Variants in RALGPS1 observed in about 807,000 individuals in gnomAD.
RALGPS1 encodes ras-specific guanine nucleotide-releasing factor RalGPS1.
Under a neutral mutation model 78.8 loss-of-function variants are expected in RALGPS1, and 19 were observed. That is an observed-to-expected ratio of 0.24 (90% CI 0.17 to 0.35). The LOEUF is 0.35. RALGPS1 is among the 10% of genes least tolerant of loss of function. The probability of loss-of-function intolerance (pLI) is 1.00; values close to 1 mark genes in which losing one functional copy is unlikely to be tolerated. For missense variants in RALGPS1, 454 were observed against 688.3 expected (o/e 0.66, Z 3.81); for synonymous variants, 228 against 256.3 (o/e 0.89, Z 1.06).
chr9:127,195,257 G>A (rs375522046), intron 12 of RALGPS1, 40 bp downstream of exon 12: 331 of 1,599,560 alleles, frequency 2.1e-4, no homozygotes, highest in Non-Finnish European at 2.6e-4. Context: ...GCTTCAGACC[G>A]TCCTGCACAT....
chr9:127,033,566 G>T (rs985306314), intron 4 of RALGPS1, among the ~76,000 whole-genome samples: 2 of 152,176 alleles, frequency 1.3e-5, no homozygotes, highest in Non-Finnish European at 2.9e-5. Flanking sequence ...GAATTAAAAG[G>T]CAGTCTTGTA....
chr9:127,157,779 C>T (rs914949132), intron 8 of RALGPS1, among the ~76,000 whole-genome samples: 1 of 152,006 alleles, frequency 6.6e-6, no homozygotes, highest in Non-Finnish European at 1.5e-5. Flanking sequence ...AATCATATCA[C>T]CTGCAAAAAT....
chr9:127,003,762 T>C (rs1434817933), intron 4 of RALGPS1, among the ~76,000 whole-genome samples: 2 of 152,218 alleles, frequency 1.3e-5, no homozygotes, highest in Non-Finnish European at 2.9e-5. Context: ...GATGTGCAGG[T>C]TTGTTACATA....
intron 1 of RALGPS1, among the ~76,000 whole-genome samples, chr9:126,917,472 A>G (rs1249707218): frequency 6.6e-6 from 1 of 152,178 alleles, no homozygotes; most frequent in East Asian, 1.9e-4. Flanking sequence ...TTTCCTTTTC[A>G]GTATGGAGGG....
intron 4 of RALGPS1, among the ~76,000 whole-genome samples, chr9:126,988,571 C>T (rs181981555): frequency 5.6e-4 from 85 of 152,216 alleles, no homozygotes; most frequent in African/African-American, 2.0e-3. Flanking sequence ...CATACCCAGC[C>T]CTCTGAAGGA....
intron 7 of RALGPS1, among the ~76,000 whole-genome samples, chr9:127,062,612 G>C (rs2049322032): frequency 6.6e-6 from 1 of 152,180 alleles, no homozygotes; most frequent in Admixed American, 6.5e-5. Context: ...TTCCCATGGT[G>C]ATAATCAGTA....
At chr9:127,075,267 G>A (rs760358526) in intron 8 of RALGPS1, among the ~76,000 whole-genome samples, 1 of 152,210 alleles carries the variant, frequency 6.6e-6, no homozygotes, top group Non-Finnish European at 1.5e-5. Flanking sequence ...CTTTAAACCA[G>A]GTGGACTACA....
chr9:127,179,587 C>T (rs1349465705), intron 11 of RALGPS1, among the ~76,000 whole-genome samples: 2 of 152,230 alleles, frequency 1.3e-5, no homozygotes, highest in African/African-American at 2.4e-5. Flanking sequence ...AAGACATGTT[C>T]ATTCATTCAT....
intron 4 of RALGPS1, among the ~76,000 whole-genome samples, chr9:126,990,404 C>G (rs1001575594): frequency 5.9e-5 from 9 of 152,230 alleles, no homozygotes; most frequent in Non-Finnish European, 1.2e-4. Context: ...GACCATGTCC[C>G]TGCCCTGCTT....
intron 11 of RALGPS1, among the ~76,000 whole-genome samples, chr9:127,180,513 A>G (rs192177555): frequency 2.0e-5 from 3 of 152,238 alleles, no homozygotes; most frequent in Admixed American, 6.5e-5. Context: ...CTGTTTTCCT[A>G]TTGGAGAAAT....
rs1261400159 is a variant in RALGPS1 at position 126,965,899 on chromosome 9, G to A, written c.113G>A (p.Ser38Asn). Residue 38 changes from serine to asparagine, a missense_variant, in exon 3 of 19, where the codon AGC becomes AAC. By Grantham distance (46) the Ser-to-Asn change is conservative (BLOSUM62 1). Transcript: ENST00000259351. Reference protein sequence around the residue: ...EGQSCDYASKSYDAVVFDVLK... With the variant: ...EGQSCDYASKNYDAVVFDVLK... ...CAGAGCTGCGACTATGCCAGCAAGAGCTATGATGCCGTTGTCTTCGATGTC... is the reference window on the plus strand; with the variant it reads ...CAGAGCTGCGACTATGCCAGCAAGAACTATGATGCCGTTGTCTTCGATGTC... The A allele has an allele frequency of 1.9e-6, 3 of 1,614,174 alleles. No individual in the cohort carries two copies. The South Asian group carries it at 3.3e-5, about 18-fold the overall frequency.
At chr9:127,213,099 C>T (rs1007248396) in intron 17 of RALGPS1, 50 bp downstream of exon 17, 15 of 1,607,822 alleles carry the variant, frequency 9.3e-6, no homozygotes, top group Non-Finnish European at 1.2e-5. Flanking sequence ...TGCCCATTTC[C>T]TCTCTTGCAC....
rs1007980019 is a variant in RALGPS1 at position 127,188,078 on chromosome 9, T to C, written c.911-7013T>C. Reference sequence around the variant, plus strand: ...AGCCTTTTTTTTTTTTTTTTTTTTTTTTAGACGGAGTCTCACTCTGTTGCT... The same window carrying C: ...AGCCTTTTTTTTTTTTTTTTTTTTTCTTAGACGGAGTCTCACTCTGTTGCT... On this transcript the variant is annotated intron_variant, in intron 11 of 18. Coordinates refer to ENST00000259351, the MANE Select transcript of RALGPS1 (RefSeq NM_014636.3). 2.7e-4 allele frequency among the ~76,000 whole-genome samples: 41 copies of C among 149,796 alleles called. 1 individual carries two copies. Among genetic ancestry groups the C allele is most frequent in the Admixed American group, 2.7e-3 (41 of 15,028 alleles).
chr9:127,210,878 A>T, intron 14 of RALGPS1: 1 of 1,063,764 alleles, frequency 9.4e-7, no homozygotes, highest in Non-Finnish European at 1.4e-6. Flanking sequence ...AGAAACAGAC[A>T]CAGCCTTTGC....
chr9:127,076,083 A>G (rs1160180153), intron 8 of RALGPS1, among the ~76,000 whole-genome samples: 2 of 152,258 alleles, frequency 1.3e-5, no homozygotes, highest in African/African-American at 4.8e-5. Flanking sequence ...CTTGCAGATT[A>G]CTTCAAAGTG....
At chr9:127,062,292 G>A (rs938510559) in intron 7 of RALGPS1, among the ~76,000 whole-genome samples, 4 of 152,074 alleles carry the variant, frequency 2.6e-5, no homozygotes, top group South Asian at 2.1e-4. Context: ...TAGAGACGGG[G>A]TTTCACCGTG....
rs192370917 is a variant in RALGPS1 at position 127,059,855 on chromosome 9, C to G, written c.483+6916C>G. On this transcript the variant is annotated intron_variant, in intron 7 of 18. Coordinates refer to ENST00000259351, the MANE Select transcript of RALGPS1 (RefSeq NM_014636.3). Reference sequence around the variant, plus strand: ...CTCTCTTAACAGACTGTGTTTTAGGCTCTTAGGCAGTATGGTAGACTGAGA... The same window carrying G: ...CTCTCTTAACAGACTGTGTTTTAGGGTCTTAGGCAGTATGGTAGACTGAGA... Among the ~76,000 whole-genome samples the G allele has an allele frequency of 1.2e-4, 18 of 152,208 alleles. No individual in the cohort carries two copies. In the East Asian group the frequency reaches 3.5e-3, roughly 29 times the overall value.
chr9:127,050,154 T>G, intron 6 of RALGPS1, 22 bp downstream of exon 6: 1 of 1,555,030 alleles, frequency 6.4e-7, no homozygotes, highest in Admixed American at 1.7e-5. Context: ...ATTATTATTT[T>G]TCCTTCCTTT....
At chr9:127,166,033 G>A in intron 8 of RALGPS1, 36 bp from the exon 9 acceptor site, 1 of 1,585,276 alleles carries the variant, frequency 6.3e-7, no homozygotes, top group Non-Finnish European at 8.6e-7. Context: ...TTTGTGGTAA[G>A]CTCCTTCCAT....
Sources: allele counts gnomAD v4.1 joint callset (sites outside exome capture counted in the v4.1 genomes callset), GRCh38; gene constraint gnomAD v4.1.1; transcripts MANE v1.5; gene names NCBI Gene and HGNC (gene_info 2026-07-23, HGNC 2026-07-21).